Variants in ZNF679 observed in about 807,000 individuals in gnomAD.
ZNF679 encodes the protein zinc finger protein 679, also known as hypothetical protein MGC42415.
ZNF679 carries 10 observed loss-of-function variants against 13.4 expected under a neutral mutation model. The observed-to-expected ratio is 0.75, with a 90% CI of 0.46 to 1.27. ZNF679 has a LOEUF of 1.27. Ranked by LOEUF, ZNF679 falls within the 50% of genes most tolerant of loss-of-function variation. ZNF679 has a pLI of 0.00. For missense variants in ZNF679, 525 were observed against 477.8 expected (o/e 1.10, Z -0.92); for synonymous variants, 179 against 162.5 (o/e 1.10, Z -0.77).
chr7:64,260,471 G>T, intron 3 of ZNF679, 124 bp downstream of exon 3: 2 of 1,429,476 alleles, frequency 1.4e-6, no homozygotes, highest in Non-Finnish European at 1.9e-6. Flanking sequence ...AAATCTTGGG[G>T]ATTCATTGGT....
chr7:64,238,482 G>T (rs1245556106), intron 1 of ZNF679, among the ~76,000 whole-genome samples: 1 of 152,080 alleles, frequency 6.6e-6, no homozygotes, highest in African/African-American at 2.4e-5. Context: ...GTGCCTCCAG[G>T]GTTCAAGCGA....
intron 4 of ZNF679, among the ~76,000 whole-genome samples, chr7:64,261,601 T>C (rs1233515314): frequency 6.6e-6 from 1 of 152,068 alleles, no homozygotes; most frequent in Admixed American, 6.5e-5. Flanking sequence ...AACATTCATA[T>C]TTTTTATGAT....
At chr7:64,230,015 C>G (rs998829753) in intron 1 of ZNF679, among the ~76,000 whole-genome samples, 4 of 152,186 alleles carry the variant, frequency 2.6e-5, no homozygotes, top group Non-Finnish European at 5.9e-5. Flanking sequence ...TTCCCACTGT[C>G]GGCATGGCCC....
At chr7:64,255,442 C>A (rs1787993536) in intron 2 of ZNF679, among the ~76,000 whole-genome samples, 1 of 152,146 alleles carries the variant, frequency 6.6e-6, no homozygotes, top group South Asian at 2.1e-4. Flanking sequence ...ACTGAATCTG[C>A]AGTAGCAACC....
At chr7:64,244,179 G>C (rs1787836625) in intron 1 of ZNF679, among the ~76,000 whole-genome samples, 1 of 152,134 alleles carries the variant, frequency 6.6e-6, no homozygotes, top group African/African-American at 2.4e-5. Context: ...GATCCCGGTA[G>C]GTGGAGGTTG....
chr7:64,242,462 C>T (rs1787811040), intron 1 of ZNF679, among the ~76,000 whole-genome samples: 1 of 152,162 alleles, frequency 6.6e-6, no homozygotes, highest in African/African-American at 2.4e-5. Flanking sequence ...GAGTCAACAT[C>T]TCTCCAATCT....
At chr7:64,256,720 CGG>C (rs1419444574) in intron 2 of ZNF679, among the ~76,000 whole-genome samples, 18 of 129,962 alleles carry the variant, frequency 1.4e-4, no homozygotes, top group Middle Eastern at 4.2e-3. Context: ...TTTTTTGAGA[CGG>C]AGTTTCACTC....
At chr7:64,242,525 T>G (rs1562841978) in intron 1 of ZNF679, among the ~76,000 whole-genome samples, 1 of 152,310 alleles carries the variant, frequency 6.6e-6, no homozygotes, top group East Asian at 1.9e-4. Context: ...TTACAAAAAT[T>G]GGTCAATATC....
At chr7:64,256,003 G>C (rs1464940663) in intron 2 of ZNF679, among the ~76,000 whole-genome samples, 2 of 152,062 alleles carry the variant, frequency 1.3e-5, no homozygotes, top group African/African-American at 2.4e-5. Flanking sequence ...TTTGTGTGCA[G>C]ATTATTTTAT....
intron 2 of ZNF679, among the ~76,000 whole-genome samples, chr7:64,254,091 A>G (rs2115574500): frequency 6.6e-6 from 1 of 151,850 alleles, no homozygotes; most frequent in African/African-American, 2.4e-5. Flanking sequence ...ACCACAAAGG[A>G]TGGAGAATTT....
At chr7:64,265,535 G>A (rs1788132470) in intron 4 of ZNF679, among the ~76,000 whole-genome samples, 1 of 152,068 alleles carries the variant, frequency 6.6e-6, no homozygotes, top group Non-Finnish European at 1.5e-5. Flanking sequence ...AAAGATATAG[G>A]TGCCAGTATT....
In ZNF679 at chr7:64,245,421, A is replaced by AGGG. The variant is rs1562842826; in HGVS notation, c.-90-3607_-90-3606insGGG. Among the ~76,000 whole-genome samples the AGGG allele has an allele frequency of 6.2e-3, 508 of 81,358 alleles. 40 individuals carry two copies. The East Asian group carries it at 0.074, about 12-fold the overall frequency. The allele number at this position is 81,358 out of a possible 152,430, so 53.4% of individuals were successfully genotyped here. The stretch of plus-strand genomic sequence containing the variant: ...AAAAGATAGGAAAGGGAGAGAGAGA[A>AGGG]AGAGAGAGAGAGAGAGAGAGAGGGA... On this transcript the variant is annotated intron_variant, in intron 1 of 4. Transcript: ENST00000421025.
intron 1 of ZNF679, among the ~76,000 whole-genome samples, chr7:64,235,538 C>T (rs1787697860): frequency 6.6e-6 from 1 of 152,102 alleles, no homozygotes; most frequent in South Asian, 2.1e-4. Flanking sequence ...CCTGTAATCC[C>T]AGCACTTTGA....
At chr7:64,250,831 C>T (rs207467997) in intron 2 of ZNF679, among the ~76,000 whole-genome samples, 2 of 152,094 alleles carry the variant, frequency 1.3e-5, no homozygotes, top group African/African-American at 2.4e-5. Context: ...TCAGATGATC[C>T]GCCTGCTTGG....
At chr7:64,262,889 T>C (rs1037153423) in intron 4 of ZNF679, among the ~76,000 whole-genome samples, 4 of 152,206 alleles carry the variant, frequency 2.6e-5, no homozygotes, top group African/African-American at 9.6e-5. Context: ...TGGGTTATAT[T>C]GACATCTTAA....
chr7:64,259,507 A>G (rs988855668), intron 2 of ZNF679, among the ~76,000 whole-genome samples: 4 of 152,216 alleles, frequency 2.6e-5, no homozygotes, highest in African/African-American at 4.8e-5. Context: ...AAAGTTCTGA[A>G]AAAACCTATT....
intron 1 of ZNF679, among the ~76,000 whole-genome samples, chr7:64,240,382 G>A (rs1787782419): frequency 6.6e-6 from 1 of 152,136 alleles, no homozygotes; most frequent in African/African-American, 2.4e-5. Context: ...CTTGGATCCA[G>A]CTAAGAGAAC....
At chr7:64,236,610 C>G (rs116528590) in intron 1 of ZNF679, among the ~76,000 whole-genome samples, 2 of 152,056 alleles carry the variant, frequency 1.3e-5, no homozygotes, top group African/African-American at 4.8e-5. Context: ...AATGGCGAAA[C>G]CTCATCTCTT....
intron 4 of ZNF679, among the ~76,000 whole-genome samples, chr7:64,264,475 A>G (rs1692925518): frequency 1.3e-5 from 2 of 152,096 alleles, no homozygotes; most frequent in South Asian, 4.2e-4. Flanking sequence ...AAAGTTATAT[A>G]TTTTCATATG....
Sources: allele counts gnomAD v4.1 joint callset (sites outside exome capture counted in the v4.1 genomes callset), GRCh38; gene constraint gnomAD v4.1.1; transcripts MANE v1.5; gene names NCBI Gene and HGNC (gene_info 2026-07-23, HGNC 2026-07-21).